TNIK: variants seen among roughly 807,000 people sequenced by gnomAD.
TNIK encodes the protein TRAF2 and NCK interacting kinase, also known as TRAF2 and NCK-interacting protein kinase.
Under a neutral mutation model 191.3 loss-of-function variants are expected in TNIK, and 49 were observed. That is an observed-to-expected ratio of 0.26 (90% confidence interval 0.20 to 0.32). The LOEUF (loss-of-function observed/expected upper bound fraction) is 0.32. Ranked by LOEUF, TNIK falls within the 10% of genes least tolerant of loss-of-function variation. The pLI, the probability that TNIK is intolerant of heterozygous loss-of-function variation, is 1.00. For missense variants in TNIK, 1,155 were observed against 1,702.3 expected (o/e 0.68, Z 5.66); for synonymous variants, 594 against 600.9 (o/e 0.99, Z 0.17).
chr3:171,308,185 C>T (rs1753660554), intron 2 of TNIK, among the ~76,000 whole-genome samples: 1 of 152,032 alleles, frequency 6.6e-6, no homozygotes, highest in Non-Finnish European at 1.5e-5. Flanking sequence ...TACTACAGTG[C>T]TATAGTAACC....
chr3:171,107,018 T>C (rs772429330), intron 21 of TNIK, among the ~76,000 whole-genome samples, 165 bp downstream of exon 21: 5 of 152,168 alleles, frequency 3.3e-5, no homozygotes, highest in Non-Finnish European at 7.4e-5. Context: ...GGTTTGAGGG[T>C]CTTAAAGTTG....
At chr3:171,157,167 G>C (rs1342788447) in intron 12 of TNIK, among the ~76,000 whole-genome samples, 1 of 152,214 alleles carries the variant, frequency 6.6e-6, no homozygotes, top group Non-Finnish European at 1.5e-5. Flanking sequence ...ATGCTGGAGG[G>C]AGGGACTGTG....
At chr3:171,240,522 G>A (rs1744827996) in intron 2 of TNIK, among the ~76,000 whole-genome samples, 1 of 149,042 alleles carries the variant, frequency 6.7e-6, no homozygotes, top group Non-Finnish European at 1.5e-5. Context: ...TAGTGTGATT[G>A]AGGTTCCATT....
intron 23 of TNIK, among the ~76,000 whole-genome samples, chr3:171,090,406 T>C (rs1163211273): frequency 6.6e-6 from 1 of 150,616 alleles, no homozygotes; most frequent in Non-Finnish European, 1.5e-5. Context: ...ATGTTCTTTT[T>C]TTTCTTTCTT....
intron 26 of TNIK, chr3:171,082,664 G>T: frequency 2.9e-6 from 1 of 350,220 alleles, no homozygotes; most frequent in Non-Finnish European, 5.1e-6. Flanking sequence ...GTCAATAGGA[G>T]CCTTAGGCAC....
At chr3:171,158,921 CAG>C (rs1183128634) in intron 11 of TNIK, among the ~76,000 whole-genome samples, 4 of 152,142 alleles carry the variant, frequency 2.6e-5, no homozygotes, top group East Asian at 1.9e-4. Flanking sequence ...GAGAGGAAAA[CAG>C]GGGTGCACCC....
At chr3:171,422,107 A>G (rs1723883712) in intron 1 of TNIK, among the ~76,000 whole-genome samples, 1 of 152,154 alleles carries the variant, frequency 6.6e-6, no homozygotes, top group African/African-American at 2.4e-5. Flanking sequence ...GTGACACTGA[A>G]TTAAATAACA....
chr3:171,235,690 T>C (rs1310671080), intron 2 of TNIK, among the ~76,000 whole-genome samples: 1 of 152,150 alleles, frequency 6.6e-6, no homozygotes, highest in African/African-American at 2.4e-5. Context: ...TGCCCATTAA[T>C]GAAATGTTTT....
chr3:171,099,011 TAA>T (rs1723090980), intron 22 of TNIK, among the ~76,000 whole-genome samples: 1 of 152,176 alleles, frequency 6.6e-6, no homozygotes, highest in African/African-American at 2.4e-5. Flanking sequence ...TCCATCTATC[TAA>T]AGTTTACCAA....
At chr3:171,378,660 CA>C (rs1054902570) in intron 1 of TNIK, among the ~76,000 whole-genome samples, 16 of 152,134 alleles carry the variant, frequency 1.1e-4, no homozygotes, top group Non-Finnish European at 5.9e-5. Context: ...GTCCTCACAT[CA>C]CCACTTCTTC....
intron 2 of TNIK, 36 bp downstream of exon 2, chr3:171,369,584 C>G (rs766161351): frequency 6.5e-7 from 1 of 1,532,868 alleles, no homozygotes; most frequent in Admixed American, 2.0e-5. Flanking sequence ...TGAACTGAAA[C>G]CGTACATAAG....
At chr3:171,312,135 AAAAAAAG>A (rs1171832301) in intron 2 of TNIK, among the ~76,000 whole-genome samples, 2,708 of 124,456 alleles carry the variant, frequency 0.022, 152 homozygotes, top group Non-Finnish European at 0.032. Context: ...AAAAAAAAAA[AAAAAAAG>A]GGCTAGACTG....
intron 1 of TNIK, among the ~76,000 whole-genome samples, chr3:171,375,500 T>C (rs1717090639): frequency 6.6e-6 from 1 of 152,128 alleles, no homozygotes; most frequent in Non-Finnish European, 1.5e-5. Context: ...GTTTTGGGGG[T>C]TCCTTGGATG....
At chr3:171,389,315 T>C (rs1395214210) in intron 1 of TNIK, among the ~76,000 whole-genome samples, 2 of 152,166 alleles carry the variant, frequency 1.3e-5, no homozygotes, top group Non-Finnish European at 2.9e-5. Context: ...TTAGAAAATT[T>C]TGATACAAAA....
rs1717914721 is a variant in TNIK, at chr3:171,062,387, A to G, written c.*1494T>C. The G allele has an allele frequency of 6.6e-6, 1 of 152,170 alleles. No homozygotes were observed. The highest frequency in any genetic ancestry group is 1.5e-5 in the Non-Finnish European group (1 of 68,032). 9.4% of individuals were successfully genotyped at this position (152,170 alleles called of 1,614,324 possible). On this transcript the variant is annotated 3_prime_UTR_variant, in exon 33 of 33. Coordinates refer to ENST00000436636, the MANE Select transcript of TNIK (RefSeq NM_015028.4). ...TGCTGTGATGAACAGTGAAACAAAA[A>G]CAAACAAAACGAGGTAGGTTAAAAC...
At chr3:171,098,269 C>T (rs373717725) in intron 22 of TNIK, among the ~76,000 whole-genome samples, 51 of 152,180 alleles carry the variant, frequency 3.4e-4, no homozygotes, top group African/African-American at 1.2e-3. Context: ...AATGCCTTTC[C>T]TTCCATTCTT....
intron 4 of TNIK, among the ~76,000 whole-genome samples, chr3:171,208,293 C>T (rs974844811): frequency 2.0e-5 from 3 of 151,862 alleles, no homozygotes; most frequent in Admixed American, 2.0e-4. Flanking sequence ...CGCACTCCAG[C>T]CTGGAGGACA....
intron 28 of TNIK, among the ~76,000 whole-genome samples, chr3:171,075,991 C>T (rs1304576383): frequency 6.6e-6 from 1 of 152,186 alleles, no homozygotes; most frequent in Non-Finnish European, 1.5e-5. Context: ...GTGCTTTGGC[C>T]TCCCAAAGTG....
At chr3:171,262,130 C>A (rs960521519) in intron 2 of TNIK, among the ~76,000 whole-genome samples, 13 of 152,168 alleles carry the variant, frequency 8.5e-5, no homozygotes, top group African/African-American at 3.1e-4. Flanking sequence ...TGCTGATGAA[C>A]CATGCTAGAG....
Sources: gnomAD v4.1 joint callset for allele counts (sites outside exome capture counted in the v4.1 genomes callset) on GRCh38, gnomAD v4.1.1 for gene constraint, MANE v1.5 for transcripts, NCBI Gene and HGNC (gene_info 2026-07-23, HGNC 2026-07-21) for gene names.